The following GINS1 variants were observed in gnomAD, a reference collection of about 807,000 sequenced individuals.
The protein encoded by GINS1 is GINS complex subunit 1.
Under a neutral mutation model 34.9 loss-of-function variants are expected in GINS1, and 26 were observed. That is an observed-to-expected ratio of 0.74 (90% CI 0.55 to 1.03). The LOEUF (loss-of-function observed/expected upper bound fraction) is 1.03. GINS1 is among the 50% of genes least tolerant of loss of function. The pLI, the probability that GINS1 is intolerant of heterozygous loss-of-function variation, is 0.00. For synonymous variants in GINS1, 97 were observed against 84.4 expected (o/e 1.15, Z -0.82); for missense variants, 235 against 237.9 (o/e 0.99, Z 0.08).
chr20:25,422,599 CA>C (rs1384303759), intron 4 of GINS1, among the ~76,000 whole-genome samples: 6 of 152,062 alleles, frequency 3.9e-5, no homozygotes, highest in East Asian at 1.9e-4. Context: ...AAAACAGCAA[CA>C]AAAAAACTTG....
chr20:25,446,986 A>G lies in GINS1; in HGVS notation c.*995A>G, dbSNP rs1600949749. 6.8e-6 allele frequency: 1 copy of G among 147,864 alleles called. No individual in the cohort carries two copies. The highest frequency in any genetic ancestry group is 1.5e-5 in the Non-Finnish European group (1 of 67,158). 9.2% of individuals were successfully genotyped at this position (147,864 alleles called of 1,614,324 possible). A position where few individuals can be genotyped will look rare whatever the true frequency, so the allele number is the denominator to read the frequency against. ...TACTTCTAGAAGTGTTATAATTTTA[A>G]GCTTTATACTTTGGTCTATGACCCG... On this transcript the variant is annotated 3_prime_UTR_variant, in exon 7 of 7. Transcript: ENST00000262460.
intron 4 of GINS1, among the ~76,000 whole-genome samples, chr20:25,424,092 C>T (rs1267529857): frequency 6.6e-6 from 1 of 152,162 alleles, no homozygotes; most frequent in African/African-American, 2.4e-5. Flanking sequence ...TGCATGGTGC[C>T]ACCTTTGTCA....
chr20:25,417,032 G>T, intron 2 of GINS1, 72 bp from the exon 3 acceptor site: 1 of 689,452 alleles, frequency 1.5e-6, no homozygotes, highest in South Asian at 1.7e-5. Context: ...TAACTCAGTT[G>T]TTAGTTGGCT....
At chr20:25,444,844 C>T (rs796664706) in intron 6 of GINS1, among the ~76,000 whole-genome samples, 1 of 152,184 alleles carries the variant, frequency 6.6e-6, no homozygotes, top group African/African-American at 2.4e-5. Context: ...GTGAATAGCA[C>T]CCACGCGGTG....
At chr20:25,408,592 T>C (rs2090262844) in intron 1 of GINS1, among the ~76,000 whole-genome samples, 1 of 152,172 alleles carries the variant, frequency 6.6e-6, no homozygotes, top group Non-Finnish European at 1.5e-5. Context: ...GTACCATGGC[T>C]CCTGCCTGTA....
intron 5 of GINS1, among the ~76,000 whole-genome samples, chr20:25,441,240 C>T (rs2090480604): frequency 6.6e-6 from 1 of 152,092 alleles, no homozygotes; most frequent in Non-Finnish European, 1.5e-5. Context: ...GTAAGTATTC[C>T]TGGGAAATTA....
At chr20:25,425,916 T>TA (rs1396344906) in intron 5 of GINS1, among the ~76,000 whole-genome samples, 2 of 152,224 alleles carry the variant, frequency 1.3e-5, no homozygotes, top group African/African-American at 4.8e-5. Context: ...TAACATTCCA[T>TA]ATTGTTTTGC....
intron 2 of GINS1, 90 bp from the exon 3 acceptor site, chr20:25,417,014 C>A: frequency 3.2e-6 from 2 of 616,526 alleles, no homozygotes; most frequent in Non-Finnish European, 5.8e-6. Flanking sequence ...GGATTAAAAA[C>A]AAGCATGTAA....
Position 25,445,507 on chromosome 20 carries a change from T to C in GINS1, c.523-416T>C, listed in dbSNP as rs2146228495. On this transcript the variant is annotated intron_variant, in intron 6 of 6. Transcript: ENST00000262460. ...GACTACAGGTGCCCGCCACCATGCC[T>C]GGCTAATTTTTTTGCATTTTTAGTA... Among the ~76,000 whole-genome samples the C allele has an allele frequency of 2.0e-5, 3 of 152,268 alleles. 1 individual carries two copies. The South Asian group carries it at 6.2e-4, about 32-fold the overall frequency.
At chr20:25,426,151 A>G (rs188085775) in intron 5 of GINS1, among the ~76,000 whole-genome samples, 14 of 152,280 alleles carry the variant, frequency 9.2e-5, no homozygotes, top group Middle Eastern at 3.4e-3. Flanking sequence ...TGTTCTCGTT[A>G]GAGAATAATT....
At chr20:25,437,520 G>T (rs2090460393) in intron 5 of GINS1, among the ~76,000 whole-genome samples, 1 of 152,242 alleles carries the variant, frequency 6.6e-6, no homozygotes, top group Non-Finnish European at 1.5e-5. Flanking sequence ...AGACTCCAGA[G>T]TTCCAAAATA....
intron 6 of GINS1, among the ~76,000 whole-genome samples, chr20:25,443,980 T>TATCTATCTATC (rs2090496781): frequency 2.1e-5 from 3 of 142,802 alleles, no homozygotes; most frequent in African/African-American, 5.3e-5. Flanking sequence ...TAGGAAACAT[T>TATCTATCTATC]TATCTATCTA....
chr20:25,421,212 T>A (rs1473740242), intron 4 of GINS1, among the ~76,000 whole-genome samples: 1 of 152,196 alleles, frequency 6.6e-6, no homozygotes, highest in Non-Finnish European at 1.5e-5. Flanking sequence ...AGTAGTTACA[T>A]CATGGGGCAA....
rs367699622 is a variant in GINS1 at position 25,435,642 on chromosome 20, T to C, written c.448-6060T>C. 8.5e-4 allele frequency among the ~76,000 whole-genome samples: 129 copies of C among 151,452 alleles called. 6 individuals are homozygous for C. In the South Asian group the frequency reaches 0.026, roughly 31 times the overall value. On this transcript the variant is annotated intron_variant, in intron 5 of 6. Coordinates refer to ENST00000262460, the MANE Select transcript of GINS1 (RefSeq NM_021067.5). ...GTGTGGTGGTGCACGCCTGTAATCC[T>C]AGCTACTCGGAAGGCTGAGGGAGGA...
intron 5 of GINS1, among the ~76,000 whole-genome samples, chr20:25,427,624 T>G (rs1461793174): frequency 6.6e-6 from 1 of 152,208 alleles, no homozygotes; most frequent in Non-Finnish European, 1.5e-5. Context: ...AAATGTTTAT[T>G]CAAATAATTG....
intron 5 of GINS1, among the ~76,000 whole-genome samples, chr20:25,435,603 C>T (rs1034184162): frequency 6.6e-6 from 1 of 151,372 alleles, no homozygotes; most frequent in Non-Finnish European, 1.5e-5. Context: ...ACTAAAAATA[C>T]AAAAATTAGC....
At chr20:25,430,827 G>A (rs1357948394) in intron 5 of GINS1, among the ~76,000 whole-genome samples, 1 of 152,244 alleles carries the variant, frequency 6.6e-6, no homozygotes, top group African/African-American at 2.4e-5. Flanking sequence ...ACCATGCCTG[G>A]CCTGTGTTGA....
rs1485921921 is a variant in GINS1, at chr20:25,417,139, T to C, written c.176T>C (p.Ile59Thr). The change falls in exon 3 of 7, where the codon ATA becomes ACA. Residue 59 changes from isoleucine to threonine, a missense_variant. Coordinates refer to ENST00000262460, the MANE Select transcript of GINS1 (RefSeq NM_021067.5). ...AAGTCAGGTGGACGAAGTGATTTGATACCAACTATCAAATTTCGACACTGT... is the reference window on the plus strand; with the variant it reads ...AAGTCAGGTGGACGAAGTGATTTGACACCAACTATCAAATTTCGACACTGT... ...EAKSGGRSDL[I>T]PTIKFRHCSL... 6.3e-7 allele frequency: 1 copy of C among 1,592,218 alleles called. No individual in the cohort carries two copies. Among genetic ancestry groups the C allele is most frequent in the Non-Finnish European group, 8.6e-7 (1 of 1,160,630 alleles).
intron 1 of GINS1, among the ~76,000 whole-genome samples, chr20:25,413,056 A>ATTTTT (rs753937496): frequency 6.6e-5 from 9 of 135,956 alleles, no homozygotes; most frequent in Non-Finnish European, 6.5e-5. Context: ...TCAGTAGTTC[A>ATTTTT]TTTTTTTTTT....
Sources: allele counts gnomAD v4.1 joint callset (sites outside exome capture counted in the v4.1 genomes callset), GRCh38; gene constraint gnomAD v4.1.1; transcripts MANE v1.5; gene names NCBI Gene and HGNC (gene_info 2026-07-23, HGNC 2026-07-21).